IPCEF1: variants seen among roughly 807,000 people sequenced by gnomAD.
IPCEF1 encodes the protein interaction protein for cytohesin exchange factors 1.
A neutral mutation model predicts 50.9 loss-of-function variants in IPCEF1; 31 were observed. The ratio of observed to expected loss-of-function variants is 0.61; its 90% confidence interval spans 0.46 to 0.82. The LOEUF (loss-of-function observed/expected upper bound fraction) is 0.82. IPCEF1 is among the 40% of genes least tolerant of loss of function. The pLI is 0.00. For missense variants in IPCEF1, 458 were observed against 514.0 expected (o/e 0.89, Z 1.05); for synonymous variants, 181 against 192.0 (o/e 0.94, Z 0.47).
At chr6:154,322,338 G>A (rs1403091553) in intron 1 of IPCEF1, among the ~76,000 whole-genome samples, 1 of 150,870 alleles carries the variant, frequency 6.6e-6, no homozygotes, top group Non-Finnish European at 1.5e-5. Flanking sequence ...GCAAAATGGT[G>A]AGGCCCTGCC....
chr6:154,281,497 A>G (rs1286691145), intron 2 of IPCEF1, among the ~76,000 whole-genome samples: 2 of 152,288 alleles, frequency 1.3e-5, no homozygotes, highest in South Asian at 2.1e-4. Flanking sequence ...AGCCTGGATA[A>G]CAATGTGAAA....
At chr6:154,346,835 C>T (rs77139921) in intron 1 of IPCEF1, among the ~76,000 whole-genome samples, 28,995 of 152,242 alleles carry the variant, frequency 0.19, 3,004 homozygotes, top group Non-Finnish European at 0.21. Context: ...TCCCCCAACA[C>T]GTGGGGATTA....
intron 2 of IPCEF1, among the ~76,000 whole-genome samples, chr6:154,272,769 T>C (rs572223845): frequency 2.6e-5 from 4 of 152,362 alleles, no homozygotes; most frequent in Non-Finnish European, 5.9e-5. Context: ...GATAGAAATA[T>C]GGACTCTCAT....
chr6:154,339,196 T>C (rs1428261841), intron 1 of IPCEF1, among the ~76,000 whole-genome samples: 1 of 152,216 alleles, frequency 6.6e-6, no homozygotes, highest in Non-Finnish European at 1.5e-5. Flanking sequence ...AAATAAACTC[T>C]ATACTTGATC....
chr6:154,334,348 G>T (rs1783743285), intron 1 of IPCEF1, among the ~76,000 whole-genome samples: 1 of 152,140 alleles, frequency 6.6e-6, no homozygotes, highest in African/African-American at 2.4e-5. Flanking sequence ...GAAACTCTTT[G>T]GCTCTCAGTT....
chr6:154,247,582 A>C, intron 3 of IPCEF1, 94 bp from the exon 4 acceptor site: 2 of 1,044,764 alleles, frequency 1.9e-6, no homozygotes, highest in East Asian at 4.9e-5. Flanking sequence ...AGTGTTTATG[A>C]GCAGGATGGA....
At chr6:154,266,560 C>CTATATATATATA (rs34187257) in intron 2 of IPCEF1, among the ~76,000 whole-genome samples, 1,942 of 134,652 alleles carry the variant, frequency 0.014, 27 homozygotes, top group South Asian at 0.038. Flanking sequence ...CTTAATATTA[C>CTATATATATATA]TATATATATA....
intron 9 of IPCEF1, among the ~76,000 whole-genome samples, chr6:154,208,918 G>A (rs1370270113): frequency 3.3e-5 from 5 of 152,204 alleles, no homozygotes; most frequent in African/African-American, 7.2e-5. Flanking sequence ...CTGCCCACTT[G>A]CAACTTCTTT....
At chr6:154,216,762 G>A (rs1045633965) in intron 7 of IPCEF1, among the ~76,000 whole-genome samples, 1 of 152,154 alleles carries the variant, frequency 6.6e-6, no homozygotes, top group African/African-American at 2.4e-5. Flanking sequence ...CAGCTACTTG[G>A]GAGGCTGAGG....
chr6:154,218,140 G>A (rs1244621955), intron 7 of IPCEF1, among the ~76,000 whole-genome samples: 1 of 152,166 alleles, frequency 6.6e-6, no homozygotes, highest in African/African-American at 2.4e-5. Context: ...CTAAGTAGAT[G>A]GATGCACTAA....
chr6:154,347,699 G>T (rs1207420666), intron 1 of IPCEF1, among the ~76,000 whole-genome samples: 3 of 152,166 alleles, frequency 2.0e-5, no homozygotes, highest in African/African-American at 7.2e-5. Context: ...TTGCTCTAAG[G>T]CTCACCTCAG....
At chr6:154,315,839 GA>G (rs200599519) in intron 1 of IPCEF1, among the ~76,000 whole-genome samples, 8 of 151,704 alleles carry the variant, frequency 5.3e-5, no homozygotes, top group African/African-American at 1.9e-4. Context: ...TTTTGGGGGG[GA>G]GCGGTGGTGG....
chr6:154,281,908 A>G (rs1402178792), intron 2 of IPCEF1, among the ~76,000 whole-genome samples: 1 of 152,016 alleles, frequency 6.6e-6, no homozygotes, highest in African/African-American at 2.4e-5. Context: ...GGAGGCTGAG[A>G]CAGGAGAATA....
intron 10 of IPCEF1, among the ~76,000 whole-genome samples, chr6:154,173,410 C>T (rs1226146822): frequency 6.6e-6 from 1 of 151,892 alleles, no homozygotes; most frequent in African/African-American, 2.4e-5. Flanking sequence ...TGCAAGGATG[C>T]TAAAAACCTT....
At chr6:154,197,723 G>A (rs1776726686) in intron 10 of IPCEF1, among the ~76,000 whole-genome samples, 1 of 152,164 alleles carries the variant, frequency 6.6e-6, no homozygotes, top group Non-Finnish European at 1.5e-5. Context: ...CTCTGGCTAT[G>A]GTCCTAAAAG....
intron 3 of IPCEF1, among the ~76,000 whole-genome samples, chr6:154,257,020 T>C (rs1328429178): frequency 6.6e-6 from 1 of 152,230 alleles, no homozygotes; most frequent in Non-Finnish European, 1.5e-5. Context: ...ATTAGGTGTA[T>C]TAAGTGCATT....
intron 5 of IPCEF1, among the ~76,000 whole-genome samples, chr6:154,242,419 TTA>T (rs1437583153): frequency 1.3e-5 from 2 of 152,214 alleles, no homozygotes; most frequent in African/African-American, 2.4e-5. Flanking sequence ...CCGAAGATTC[TTA>T]ATTCTTATTT....
At chr6:154,229,154 C>T (rs924379545) in intron 5 of IPCEF1, among the ~76,000 whole-genome samples, 1 of 152,338 alleles carries the variant, frequency 6.6e-6, no homozygotes, top group East Asian at 1.9e-4. Context: ...TGTTTGTCTG[C>T]TTCTCCAATG....
intron 1 of IPCEF1, among the ~76,000 whole-genome samples, chr6:154,322,373 AACACACACAC>A: frequency 8.1e-6 from 1 of 123,842 alleles, no homozygotes; most frequent in African/African-American, 2.7e-5. Context: ...AAAAATTTTA[AACACACACAC>A]ACACACACAC....
Sources: allele counts gnomAD v4.1 joint callset (sites outside exome capture counted in the v4.1 genomes callset), GRCh38; gene constraint gnomAD v4.1.1; transcripts MANE v1.5; gene names NCBI Gene and HGNC (gene_info 2026-07-23, HGNC 2026-07-21).